Variants in SPHKAP observed in about 807,000 individuals in gnomAD.
SPHKAP encodes A-kinase anchor protein SPHKAP.
SPHKAP carries 67 observed loss-of-function variants against 137.5 expected under a neutral mutation model. That is an observed-to-expected ratio of 0.49 (90% confidence interval 0.40 to 0.60). The LOEUF (loss-of-function observed/expected upper bound fraction) is 0.60. Ranked by LOEUF, SPHKAP falls within the 20% of genes least tolerant of loss-of-function variation. The pLI, the probability that SPHKAP is intolerant of heterozygous loss-of-function variation, is 0.00. For missense variants in SPHKAP, 2,097 were observed against 2,069.3 expected, an observed-to-expected ratio of 1.01 and a Z score of -0.26; for synonymous variants, 813 against 785.3, an observed-to-expected ratio of 1.04 and a Z score of -0.59.
intron 3 of SPHKAP, among the ~76,000 whole-genome samples, chr2:228,078,380 C>CTT (rs11322966): frequency 3.7e-4 from 47 of 128,190 alleles, no homozygotes; most frequent in African/African-American, 8.9e-4. Flanking sequence ...TGTTGGCAGA[C>CTT]TTTTTTTTTT....
intron 3 of SPHKAP, among the ~76,000 whole-genome samples, chr2:228,041,832 A>T (rs1429370304): frequency 6.6e-6 from 1 of 151,668 alleles, no homozygotes; most frequent in Non-Finnish European, 1.5e-5. Flanking sequence ...GGATGTGCAG[A>T]CTCTGGCTCT....
intron 3 of SPHKAP, among the ~76,000 whole-genome samples, chr2:228,092,471 ATATATG>A (rs1181545646): frequency 1.8e-4 from 5 of 28,568 alleles, no homozygotes; most frequent in African/African-American, 6.5e-4. Context: ...TATGTGCCAT[ATATATG>A]TATACATATA....
chr2:228,059,329 A>G (rs1304324423), intron 3 of SPHKAP, among the ~76,000 whole-genome samples: 1 of 152,232 alleles, frequency 6.6e-6, no homozygotes, highest in African/African-American at 2.4e-5. Context: ...ACCGTTCACC[A>G]GAGTGCCTAT....
chr2:228,122,348 C>T (rs1262582067), intron 2 of SPHKAP, among the ~76,000 whole-genome samples: 2 of 151,982 alleles, frequency 1.3e-5, no homozygotes, highest in Non-Finnish European at 2.9e-5. Context: ...GCTCTTCACA[C>T]ACAGTGAAAA....
chr2:228,052,586 G>A (rs1574802849), intron 3 of SPHKAP, among the ~76,000 whole-genome samples: 1 of 152,040 alleles, frequency 6.6e-6, no homozygotes, highest in Admixed American at 6.6e-5. Context: ...AAGTCTATAC[G>A]AGTCAACCTA....
intron 2 of SPHKAP, among the ~76,000 whole-genome samples, chr2:228,127,734 T>A (rs1486619061): frequency 1.3e-5 from 2 of 152,140 alleles, no homozygotes; most frequent in African/African-American, 4.8e-5. Flanking sequence ...GAAAACAATA[T>A]CTGTTTTCTA....
chr2:228,064,514 C>T (rs1269947562), intron 3 of SPHKAP, among the ~76,000 whole-genome samples: 3 of 152,076 alleles, frequency 2.0e-5, no homozygotes, highest in African/African-American at 7.2e-5. Flanking sequence ...ATTTTCATTT[C>T]TGTTCAGTAA....
rs138239250 is a variant in SPHKAP at position 228,158,210 on chromosome 2, C to A, written c.32+23357G>T. 3.6e-3 allele frequency among the ~76,000 whole-genome samples: 552 copies of A among 152,252 alleles called. 2 individuals are homozygous for A. Among genetic ancestry groups the A allele is most frequent in the African/African-American group, 0.012 (515 of 41,558 alleles). ...ACATTCAAGCAACTCTAATTTACTG[C>A]CCAAATTGTCCACTATCTGCATTCT... On this transcript the variant is annotated intron_variant, in intron 1 of 11. Transcript: ENST00000392056.
At chr2:228,134,095 A>G (rs1015916174) in intron 1 of SPHKAP, among the ~76,000 whole-genome samples, 1 of 144,206 alleles carries the variant, frequency 6.9e-6, no homozygotes, top group East Asian at 2.0e-4. Context: ...AAAGAAGTAA[A>G]GAAAGGAAGG....
intron 1 of SPHKAP, among the ~76,000 whole-genome samples, chr2:228,144,230 T>C (rs562159546): frequency 6.6e-6 from 1 of 152,338 alleles, no homozygotes; most frequent in South Asian, 2.1e-4. Context: ...AGTATCAGTA[T>C]GATGTTCCAA....
chr2:228,116,896 A>C (rs893458057), intron 2 of SPHKAP, among the ~76,000 whole-genome samples: 1 of 152,164 alleles, frequency 6.6e-6, no homozygotes, highest in African/African-American at 2.4e-5. Context: ...TTTAATAAAC[A>C]GCTCTACCAT....
chr2:228,083,246 T>A (rs1345743506), intron 3 of SPHKAP, among the ~76,000 whole-genome samples: 1 of 152,258 alleles, frequency 6.6e-6, no homozygotes, highest in Non-Finnish European at 1.5e-5. Context: ...CAATGGGCAG[T>A]GTCTTGTCAC....
At chr2:228,007,359 T>C (rs1278881844) in intron 7 of SPHKAP, among the ~76,000 whole-genome samples, 1 of 152,188 alleles carries the variant, frequency 6.6e-6, no homozygotes, top group Non-Finnish European at 1.5e-5. Flanking sequence ...TTTTGAGATA[T>C]ATCATACATT....
intron 3 of SPHKAP, among the ~76,000 whole-genome samples, chr2:228,069,245 C>T (rs994736323): frequency 9.9e-5 from 15 of 152,062 alleles, no homozygotes; most frequent in Middle Eastern, 3.4e-3. Flanking sequence ...CCAGCCTGGG[C>T]GACAAGAGCA....
chr2:228,160,928 G>C (rs10210772), intron 1 of SPHKAP, among the ~76,000 whole-genome samples: 2,062 of 152,168 alleles, frequency 0.014, 46 homozygotes, highest in African/African-American at 0.047. Flanking sequence ...TTTGTCTAAC[G>C]AACATTTGTC....
rs1692980703 is a variant in SPHKAP at position 227,981,179 on chromosome 2, G to A, written c.*538C>T. 6.6e-6 allele frequency: 1 copy of A among 152,192 alleles called. No homozygotes were observed. 9.4% of individuals were successfully genotyped at this position (152,192 alleles called of 1,614,324 possible). ...AGGATGCTGCTATACTTTTATCAAT[G>A]TCTACTGACATTGATTTGAAAGTGG... is the stretch of plus-strand genomic sequence containing the variant. On this transcript the variant is annotated 3_prime_UTR_variant, in exon 12 of 12. Transcript: ENST00000392056.
intron 2 of SPHKAP, among the ~76,000 whole-genome samples, chr2:228,124,548 A>G (rs1699011216): frequency 7.3e-6 from 1 of 137,916 alleles, no homozygotes; most frequent in Non-Finnish European, 1.5e-5. Flanking sequence ...ACACTTGGAC[A>G]CAGGAAGGGG....
chr2:227,985,997 T>C (rs931484297), intron 11 of SPHKAP, among the ~76,000 whole-genome samples: 1 of 152,148 alleles, frequency 6.6e-6, no homozygotes, highest in Non-Finnish European at 1.5e-5. Context: ...CCAGGCACCT[T>C]TACAAAACCC....
intron 3 of SPHKAP, among the ~76,000 whole-genome samples, chr2:228,052,865 G>C (rs889907095): frequency 4.6e-5 from 7 of 152,050 alleles, no homozygotes; most frequent in African/African-American, 1.7e-4. Context: ...CCCCTGAGTG[G>C]TGCTTGTTAA....
Sources: allele counts gnomAD v4.1 joint callset (sites outside exome capture counted in the v4.1 genomes callset), GRCh38; gene constraint gnomAD v4.1.1; transcripts MANE v1.5; gene names NCBI Gene and HGNC (gene_info 2026-07-23, HGNC 2026-07-21).